SNX25: variants seen among roughly 807,000 people sequenced by gnomAD.
SNX25 encodes sorting nexin-25.
SNX25 carries 62 observed loss-of-function variants against 113.7 expected under a neutral mutation model. That is an observed-to-expected ratio of 0.55 (90% CI 0.44 to 0.67). The LOEUF (loss-of-function observed/expected upper bound fraction) is 0.67. Ranked by LOEUF, SNX25 falls within the 30% of genes least tolerant of loss-of-function variation. The probability of loss-of-function intolerance (pLI) is 0.00; values close to 1 mark genes in which losing one functional copy is unlikely to be tolerated. For synonymous variants in SNX25, 421 were observed against 436.2 expected (o/e 0.97, Z 0.43); for missense variants, 1,014 against 1,161.0 (o/e 0.87, Z 1.84).
At chr4:185,351,911 T>TGGGGGGGTG (rs1554012578) in intron 14 of SNX25, among the ~76,000 whole-genome samples, 12 of 127,802 alleles carry the variant, frequency 9.4e-5, no homozygotes, top group African/African-American at 1.9e-4. Flanking sequence ...CATTGCGGGG[T>TGGGGGGGTG]GGGGGGGTTC....
chr4:185,253,400 A>G (rs1466903946), intron 2 of SNX25, among the ~76,000 whole-genome samples: 1 of 152,156 alleles, frequency 6.6e-6, no homozygotes, highest in African/African-American at 2.4e-5. Flanking sequence ...TCTTAGAATT[A>G]AATACCGTTA....
chr4:185,297,797 G>A (rs962958747), intron 6 of SNX25, among the ~76,000 whole-genome samples: 4 of 151,894 alleles, frequency 2.6e-5, no homozygotes, highest in Non-Finnish European at 5.9e-5. Context: ...CTCCATCATG[G>A]GGCTTCTACC....
chr4:185,267,244 G>A, intron 5 of SNX25, 89 bp downstream of exon 5: 1 of 1,275,900 alleles, frequency 7.8e-7, no homozygotes, highest in Admixed American at 2.2e-5. Flanking sequence ...GTAGTTGTCA[G>A]GGAAGCAGAA....
chr4:185,335,209 A>G (rs1374084111), intron 10 of SNX25, among the ~76,000 whole-genome samples: 1 of 151,566 alleles, frequency 6.6e-6, no homozygotes, highest in African/African-American at 2.4e-5. Context: ...AATCCCAGCT[A>G]CTCGGGAGGC....
At chr4:185,299,492 T>G (rs1753327331) in intron 6 of SNX25, among the ~76,000 whole-genome samples, 1 of 151,274 alleles carries the variant, frequency 6.6e-6, no homozygotes, top group South Asian at 2.1e-4. Flanking sequence ...AGATCTCGAG[T>G]GCGCCCCAGA....
At chr4:185,207,155 G>C (rs1473458328), upstream of SNX25, among the ~76,000 whole-genome samples, 1 of 145,932 alleles carries the variant, frequency 6.9e-6, no homozygotes. Flanking sequence ...TCCTTTGTCA[G>C]TTTTCCAGGT....
At chr4:185,255,208 A>G (rs1158453116) in intron 2 of SNX25, among the ~76,000 whole-genome samples, 1 of 151,726 alleles carries the variant, frequency 6.6e-6, no homozygotes, top group Non-Finnish European at 1.5e-5. Flanking sequence ...ATCTCGGCTC[A>G]CTGCAACCTA....
At chr4:185,309,014 A>G (rs1169190712) in intron 6 of SNX25, among the ~76,000 whole-genome samples, 3 of 152,216 alleles carry the variant, frequency 2.0e-5, no homozygotes, top group African/African-American at 7.2e-5. Context: ...CAATCTGGGC[A>G]GGGTTTGGAA....
chr4:185,205,824 G>A (rs777541557), upstream of SNX25, among the ~76,000 whole-genome samples: 2 of 152,098 alleles, frequency 1.3e-5, no homozygotes, highest in Non-Finnish European at 2.9e-5. Flanking sequence ...GCAAGCCCCT[G>A]TCTCTAAATA....
chr4:185,302,782 G>A (rs1753893697), intron 6 of SNX25, among the ~76,000 whole-genome samples: 1 of 152,182 alleles, frequency 6.6e-6, no homozygotes, highest in African/African-American at 2.4e-5. Context: ...CTCTCAGGCT[G>A]TTTCCCTGCC....
At chr4:185,311,881 A>G (rs1381873229) in intron 7 of SNX25, among the ~76,000 whole-genome samples, 1 of 152,202 alleles carries the variant, frequency 6.6e-6, no homozygotes, top group East Asian at 1.9e-4. Context: ...AGTGGTGCAA[A>G]TGCAGCTCCA....
rs1248221421 is a variant in SNX25 at position 185,342,038 on chromosome 4, T to C, written c.2109T>C (p.Val703=). The C allele has an allele frequency of 6.2e-7, 1 of 1,611,428 alleles. No homozygotes were observed. Among genetic ancestry groups the C allele is most frequent in the East Asian group, 2.2e-5 (1 of 44,644 alleles). ...CYFVMVSLQE[V]GGVETKNWTV... Reference sequence around the variant, plus strand: ...TTGTCATGGTAAGCCTACAAGAAGTTGGAGGAGTTGAAACTAAGAACTGGA... The same window carrying C: ...TTGTCATGGTAAGCCTACAAGAAGTCGGAGGAGTTGAAACTAAGAACTGGA... The change falls in exon 12 of 19, where the codon GTT becomes GTC. Residue 703 remains valine (V), a synonymous_variant. Transcript: ENST00000652585.
chr4:185,217,891 CT>C (rs1739127625), intron 1 of SNX25, among the ~76,000 whole-genome samples: 2 of 152,172 alleles, frequency 1.3e-5, no homozygotes, highest in South Asian at 4.1e-4. Flanking sequence ...TGCAACTGTA[CT>C]TTTGAAGGAA....
chr4:185,278,816 A>G (rs909082314), intron 5 of SNX25, among the ~76,000 whole-genome samples: 2 of 152,222 alleles, frequency 1.3e-5, no homozygotes, highest in Admixed American at 6.5e-5. Context: ...TGCTATACGT[A>G]TGAGTATAAA....
intron 6 of SNX25, among the ~76,000 whole-genome samples, chr4:185,291,515 ACTGT>A (rs528355624): frequency 4.7e-4 from 72 of 152,312 alleles, no homozygotes; most frequent in African/African-American, 1.4e-3. Flanking sequence ...AGTACCACAA[ACTGT>A]CTGGCACAAA....
chr4:185,267,269 T>C, intron 5 of SNX25, 114 bp downstream of exon 5: 1 of 988,690 alleles, frequency 1.0e-6, no homozygotes. Context: ...AACAAGTCTA[T>C]AAATCTTACT....
At chr4:185,268,089 T>A (rs908534737) in intron 5 of SNX25, among the ~76,000 whole-genome samples, 1 of 152,198 alleles carries the variant, frequency 6.6e-6, no homozygotes, top group South Asian at 2.1e-4. Context: ...TTCAAACCTA[T>A]GTTTTTCAAG....
chr4:185,353,305 A>T, intron 14 of SNX25, 180 bp from the exon 15 acceptor site: 1 of 510,934 alleles, frequency 2.0e-6, no homozygotes, highest in Non-Finnish European at 3.5e-6. Context: ...ATAAGGCTCG[A>T]GAATCAAGCT....
intron 2 of SNX25, among the ~76,000 whole-genome samples, chr4:185,253,968 T>C (rs185757139): frequency 6.6e-6 from 1 of 152,354 alleles, no homozygotes; most frequent in Admixed American, 6.5e-5. Context: ...AGAACTTTTA[T>C]GTAGAACTTT....
Sources: gnomAD v4.1 joint callset for allele counts (sites outside exome capture counted in the v4.1 genomes callset) on GRCh38, gnomAD v4.1.1 for gene constraint, MANE v1.5 for transcripts, NCBI Gene and HGNC (gene_info 2026-07-23, HGNC 2026-07-21) for gene names.